Variants in TTBK1 observed in about 807,000 individuals in gnomAD.
TTBK1 encodes the protein tau-tubulin kinase 1.
In TTBK1, 34 loss-of-function variants were observed where a neutral mutation model predicts 108.5. The observed-to-expected ratio is 0.31, with a 90% confidence interval of 0.24 to 0.42. The LOEUF (loss-of-function observed/expected upper bound fraction) is 0.42. Among genes scored for constraint, TTBK1 ranks in the 10% least tolerant of loss-of-function variants. The pLI is 1.00. For synonymous variants in TTBK1, 809 were observed against 795.1 expected (o/e 1.02, Z -0.29); for missense variants, 1,539 against 1,826.0 (o/e 0.84, Z 2.86).
At chr6:43,244,095 C>G (rs1777026842) in intron 1 of TTBK1, among the ~76,000 whole-genome samples, 1 of 152,152 alleles carries the variant, frequency 6.6e-6, no homozygotes, top group Admixed American at 6.5e-5. Flanking sequence ...TCCTCACCCC[C>G]TCAACTGTGC....
chr6:43,253,111 A>C lies in TTBK1; in HGVS notation c.257-180A>C, dbSNP rs1777289676. Among the ~76,000 whole-genome samples the C allele has an allele frequency of 6.6e-6, 1 of 152,094 alleles. No homozygotes were observed. Among genetic ancestry groups the C allele is most frequent in the Non-Finnish European group, 1.5e-5 (1 of 68,016 alleles). On this transcript the variant is annotated intron_variant, in intron 3 of 14. Coordinates refer to ENST00000259750, the MANE Select transcript of TTBK1 (RefSeq NM_032538.3). This position sits in a 1 kb window ranked among gnomAD's most constrained non-coding sequence, Gnocchi z 5.8. ...AGGAGGCCGGGTTGGTGATCAAGGA[A>C]GTAATCGAGCTGGAGTCTAGGAGAC...
Position 43,259,193 on chromosome 6 carries a change from A to C in TTBK1, c.1172A>C (p.His391Pro), listed in dbSNP as rs910941940. The C allele has an allele frequency of 1.9e-6, 3 of 1,604,526 alleles. No individual in the cohort carries two copies. Among genetic ancestry groups the C allele is most frequent in the African/African-American group, 1.3e-5 (1 of 74,526 alleles). ...GLGPSPHLVP[H>P]PGGPEAEVWE... ...GGCCCCAGTCCCCACCTTGTCCCCC[A>C]CCCCGGGGGTCCTGAGGCTGAAGTC... The change falls in exon 11 of 15, where the codon CAC (histidine) becomes CCC (proline). Residue 391 changes from histidine to proline, a missense_variant. His to Pro is a moderately conservative substitution (Grantham distance 77). Coordinates refer to ENST00000259750, the MANE Select transcript of TTBK1 (RefSeq NM_032538.3). The surrounding 1 kb of genome is among the most constrained non-coding windows in gnomAD (Gnocchi z 6.7).
Position 43,259,279 on chromosome 6 carries a change from G to T in TTBK1, c.1248+10G>T. 1 of 1,543,706 alleles carries T rather than the reference G, an allele frequency of 6.5e-7. No homozygotes were observed. The highest frequency in any genetic ancestry group is 8.7e-7 in the Non-Finnish European group (1 of 1,144,736). ...GATCAACATCGGCAAAGTAACTGCC[G>T]CCAGGGCGAAGGGCGTGGGTGGCCT... On this transcript the variant is annotated intron_variant, in intron 11 of 14. Coordinates refer to ENST00000259750, the MANE Select transcript of TTBK1 (RefSeq NM_032538.3). This position sits in a 1 kb window ranked among gnomAD's most constrained non-coding sequence, Gnocchi z 6.7.
In TTBK1 at chr6:43,284,268, A is replaced by T. The variant is rs1243772241; in HGVS notation, c.3528A>T (p.Arg1176Ser). The change falls in exon 14 of 15, where the codon AGA becomes AGT. Residue 1176 changes from arginine (R) to serine (S), a missense_variant. Physicochemically the swap from Arg to Ser is moderately radical, Grantham distance 110. Transcript: ENST00000259750. ...MPVAAQQPAS[R>S]SHGAAPALDT... ...TTGCAGCCCAGCAGCCCGCCAGCAG[A>T]TCCCATGGCGCGGCCCCAGCATTGG... The T allele has an allele frequency of 6.3e-7, 1 of 1,590,248 alleles. No individual in the cohort carries two copies. Among genetic ancestry groups the T allele is most frequent in the East Asian group, 2.3e-5 (1 of 44,412 alleles).
chr6:43,258,991 G>C, intron 10 of TTBK1, 47 bp from the exon 11 acceptor site: 1 of 1,471,064 alleles, frequency 6.8e-7, no homozygotes, highest in Middle Eastern at 1.9e-4. Context: ...TGGAAGGAGA[G>C]GGCACCCCTG....
At chr6:43,249,632 A>G (rs1405455778) in intron 2 of TTBK1, among the ~76,000 whole-genome samples, 1 of 151,726 alleles carries the variant, frequency 6.6e-6, no homozygotes, top group African/African-American at 2.4e-5. Flanking sequence ...GCTCGAGTGC[A>G]GTGATGAGAT....
intron 1 of TTBK1, among the ~76,000 whole-genome samples, chr6:43,244,954 A>G (rs1256116607): frequency 6.6e-6 from 1 of 152,184 alleles, no homozygotes; most frequent in Non-Finnish European, 1.5e-5. Context: ...TTTGGCAGAA[A>G]GAGGGAAGTC....
chr6:43,281,202 C>T (rs1462924602), intron 13 of TTBK1, among the ~76,000 whole-genome samples: 6 of 151,768 alleles, frequency 4.0e-5, no homozygotes, highest in Admixed American at 3.3e-4. Flanking sequence ...GGCGAAACCC[C>T]GTCTCTACTA....
Position 43,265,769 on chromosome 6 carries a change from G to A in TTBK1, c.1986+2419G>A, listed in dbSNP as rs1347998450. ...TGACAGACAGTGTCAAGAGAGAGCC[G>A]AGAATTAAAGTCAGGAGACTGAGGT... is the stretch of plus-strand genomic sequence containing the variant. On this transcript the variant is annotated intron_variant, in intron 13 of 14. Transcript: ENST00000259750. This position sits in a 1 kb window ranked among gnomAD's most constrained non-coding sequence, Gnocchi z 4.1. Among the ~76,000 whole-genome samples the A allele has an allele frequency of 1.3e-5, 2 of 152,168 alleles. No individual in the cohort carries two copies. Among genetic ancestry groups the A allele is most frequent in the East Asian group, 1.9e-4 (1 of 5,186 alleles).
Position 43,259,336 on chromosome 6 carries a change from C to A in TTBK1, c.1248+67C>A. Reference sequence around the variant, plus strand: ...TCACCCCCGATTCCCAGCCTTGTGCCCCTGCCCTGTTCCTCCTAAGCACCC... The same window carrying A: ...TCACCCCCGATTCCCAGCCTTGTGCACCTGCCCTGTTCCTCCTAAGCACCC... On this transcript the variant is annotated intron_variant, in intron 11 of 14. Coordinates refer to ENST00000259750, the MANE Select transcript of TTBK1 (RefSeq NM_032538.3). This position sits in a 1 kb window ranked among gnomAD's most constrained non-coding sequence, Gnocchi z 6.7. 1 of 1,406,266 alleles carries A rather than the reference C, an allele frequency of 7.1e-7. No homozygotes were observed. Among genetic ancestry groups the A allele is most frequent in the Non-Finnish European group, 9.6e-7 (1 of 1,040,178 alleles). 87.1% of individuals were successfully genotyped at this position (1,406,266 alleles called of 1,614,324 possible). A position where few individuals can be genotyped will look rare whatever the true frequency, so the allele number is the denominator to read the frequency against.
Position 43,284,013 on chromosome 6 carries a change from G to T in TTBK1, c.3273G>T (p.Arg1091=). 6.3e-7 allele frequency: 1 copy of T among 1,580,730 alleles called. No individual in the cohort carries two copies. Among genetic ancestry groups the T allele is most frequent in the Non-Finnish European group, 8.6e-7 (1 of 1,162,514 alleles). The stretch of plus-strand genomic sequence containing the variant: ...CTCGGCCGCAGCAGGACCTGGCGCG[G>T]CTGGTGATGGAGAAGAGGCAGGGCC... ...KRARPQQDLA[R]LVMEKRQGRL... is the part of the protein sequence containing the mutation. Residue 1091 remains arginine (R), a synonymous_variant, in exon 14 of 15, where the codon CGG becomes CGT. Transcript: ENST00000259750.
chr6:43,283,026 AGAGGAG>A lies in TTBK1; in HGVS notation c.2295_2300del (p.Glu770_Glu771del). Reference sequence around the variant, plus strand: ...AGGAAGAGGAAGAGGAGGAGGAAGAAGAGGAGGAGGAGGAAGAGGAGGAGGAGGCTG... The same window carrying A: ...AGGAAGAGGAAGAGGAGGAGGAAGAAGAGGAGGAAGAGGAGGAGGAGGCTG... On this transcript the variant is annotated inframe_deletion, in exon 14 of 15. Transcript: ENST00000259750. The surrounding 1 kb of genome is among the most constrained non-coding windows in gnomAD (Gnocchi z 8.1). 1 of 1,589,790 alleles carries A rather than the reference AGAGGAG, an allele frequency of 6.3e-7. No individual in the cohort carries two copies. Among genetic ancestry groups the A allele is most frequent in the Non-Finnish European group, 8.6e-7 (1 of 1,166,160 alleles).
At chr6:43,251,140 T>C (rs1777227288) in intron 2 of TTBK1, among the ~76,000 whole-genome samples, 2 of 152,244 alleles carry the variant, frequency 1.3e-5, no homozygotes, top group South Asian at 4.1e-4. Context: ...CCTGTCTCTT[T>C]CTGGAGTGAG....
chr6:43,271,600 G>A, intron 13 of TTBK1: 1 of 985,184 alleles, frequency 1.0e-6, no homozygotes, highest in Non-Finnish European at 1.2e-6. Context: ...AGGCCTCAGG[G>A]CCCTGGCCCC....
rs539119267 is a variant in TTBK1 at position 43,265,635 on chromosome 6, T to C, written c.1986+2285T>C. Among the ~76,000 whole-genome samples the C allele has an allele frequency of 1.6e-4, 25 of 152,136 alleles. No homozygotes were observed. The highest frequency in any genetic ancestry group is 3.7e-4 in the Non-Finnish European group (25 of 68,024). On this transcript the variant is annotated intron_variant, in intron 13 of 14. Coordinates refer to ENST00000259750, the MANE Select transcript of TTBK1 (RefSeq NM_032538.3). The surrounding 1 kb of genome is among the most constrained non-coding windows in gnomAD (Gnocchi z 4.1). ...GTTTGGGGTCCTTGCTCCGCTCCCGTTTATTCATCCACACTCACTGAGTAT... is the reference window on the plus strand; with the variant it reads ...GTTTGGGGTCCTTGCTCCGCTCCCGCTTATTCATCCACACTCACTGAGTAT...
chr6:43,267,225 A>G (rs1777705096), intron 13 of TTBK1, among the ~76,000 whole-genome samples: 1 of 152,094 alleles, frequency 6.6e-6, no homozygotes, highest in Non-Finnish European at 1.5e-5. Flanking sequence ...AGGGTAGAGG[A>G]GCAGGGAGAA....
At position 43,274,046 on chromosome 6, in the gene TTBK1, T is replaced by TG. The variant is rs1317016557; in HGVS notation, c.1987-8676dup. Among the ~76,000 whole-genome samples the TG allele has an allele frequency of 5.3e-5, 8 of 152,082 alleles. No homozygotes were observed. The South Asian group carries it at 1.2e-3, about 24-fold the overall frequency. On this transcript the variant is annotated intron_variant, in intron 13 of 14. Transcript: ENST00000259750. ...GGCCAGTGGACCTTTTTGTGGTGAG[T>TG]GGGGGCCTCCTGGTGGGACTAGTAT...
chr6:43,270,805 T>C, intron 13 of TTBK1: 3 of 985,300 alleles, frequency 3.0e-6, no homozygotes, highest in Non-Finnish European at 3.6e-6. Flanking sequence ...GCAGCTAAGG[T>C]GGTTGTTAAG....
Position 43,276,533 on chromosome 6 carries a change from G to A in TTBK1, c.1987-6194G>A, listed in dbSNP as rs1025517004. ...CGCGCACACGGCCGCGCACGGGCGG[G>A]GAGGGGGCGCCCCGCCGTCACGCGT... On this transcript the variant is annotated intron_variant, in intron 13 of 14. Transcript: ENST00000259750. The surrounding 1 kb of genome is among the most constrained non-coding windows in gnomAD (Gnocchi z 5.4). Among the ~76,000 whole-genome samples, 1 of 152,258 alleles carries A rather than the reference G, an allele frequency of 6.6e-6. No homozygotes were observed.
Sources: allele counts gnomAD v4.1 joint callset (sites outside exome capture counted in the v4.1 genomes callset), GRCh38; gene constraint gnomAD v4.1.1; non-coding constraint Gnocchi (gnomAD v3.1); transcripts MANE v1.5; gene names NCBI Gene and HGNC (gene_info 2026-07-23, HGNC 2026-07-21).